The following KIF1B variants were observed in gnomAD, a reference collection of about 807,000 sequenced individuals.
KIF1B encodes the protein kinesin-like protein KIF1B.
Under a neutral mutation model 241.9 loss-of-function variants are expected in KIF1B, and 76 were observed. That is an observed-to-expected ratio of 0.31 (90% CI 0.26 to 0.38). KIF1B has a LOEUF of 0.38. KIF1B is among the 10% of genes least tolerant of loss of function. The pLI is 1.00. For synonymous variants in KIF1B, 750 were observed against 796.7 expected, an observed-to-expected ratio of 0.94 and a Z score of 0.99; for missense variants, 1,622 against 2,271.4, an observed-to-expected ratio of 0.71 and a Z score of 5.81.
Position 10,371,216 on chromosome 1 carries a change from A to T in KIF1B, c.4900A>T (p.Thr1634Ser), listed in dbSNP as rs1366322578. 6.2e-7 allele frequency: 1 copy of T among 1,613,860 alleles called. No individual in the cohort carries two copies. The highest frequency in any genetic ancestry group is 2.2e-5 in the East Asian group (1 of 44,868). Reference protein sequence around the residue: ...FSSATLTPSSTCPSLVDSRSN... With the variant: ...FSSATLTPSSSCPSLVDSRSN... The stretch of plus-strand genomic sequence containing the variant: ...CAGTGCCACCCTCACTCCCTCCTCC[A>T]CCTGTCCCTCTCTGGTAGACTCTAG... The change falls in exon 45 of 49, where the codon ACC (threonine) becomes TCC (serine). Residue 1634 changes from threonine (T) to serine (S), a missense_variant. By Grantham distance (58) the Thr-to-Ser change is moderately conservative (BLOSUM62 1). Coordinates refer to ENST00000676179, the MANE Select transcript of KIF1B (RefSeq NM_001365951.3).
intron 38 of KIF1B, among the ~76,000 whole-genome samples, chr1:10,353,452 C>G (rs934795092): frequency 3.9e-5 from 6 of 152,128 alleles, no homozygotes; most frequent in Non-Finnish European, 7.3e-5. Context: ...CTTACCTCAC[C>G]CAGGAAGGGA....
At chr1:10,279,224 G>C in intron 14 of KIF1B, 86 bp downstream of exon 14, 1 of 848,540 alleles carries the variant, frequency 1.2e-6, no homozygotes. Flanking sequence ...AGCTTTGCAT[G>C]CTGGCAATCC....
intron 19 of KIF1B, among the ~76,000 whole-genome samples, chr1:10,296,150 G>A (rs1449745247): frequency 1.3e-5 from 2 of 152,124 alleles, no homozygotes; most frequent in Non-Finnish European, 2.9e-5. Flanking sequence ...CTTGATTTTT[G>A]CCTGGGTTAT....
chr1:10,258,088 C>A (rs1445879866), intron 3 of KIF1B, among the ~76,000 whole-genome samples: 2 of 152,084 alleles, frequency 1.3e-5, no homozygotes, highest in African/African-American at 4.8e-5. Context: ...AGAAATAGTC[C>A]CAGTAGCTGG....
rs753609285 is a variant in KIF1B at position 10,378,104 on chromosome 1, A to G, written c.*1517A>G. On this transcript the variant is annotated 3_prime_UTR_variant, in exon 49 of 49. Coordinates refer to ENST00000676179, the MANE Select transcript of KIF1B (RefSeq NM_001365951.3). ...GAAGATGCTTTCAGTGATGCTCTCT[A>G]TACTCATAAATAAGCAAATGTGGCA... 14 of 569,950 alleles carry G rather than the reference A, an allele frequency of 2.5e-5. No individual in the cohort carries two copies. The highest frequency in any genetic ancestry group is 4.3e-5 in the South Asian group (2 of 46,744). The allele number at this position is 569,950 out of a possible 1,614,324, so 35.3% of individuals were successfully genotyped here.
chr1:10,262,808 A>T (rs1202548302), intron 5 of KIF1B, among the ~76,000 whole-genome samples: 1 of 152,136 alleles, frequency 6.6e-6, no homozygotes, highest in Non-Finnish European at 1.5e-5. Context: ...AATATTGTTA[A>T]TAATGGTTTT....
intron 10 of KIF1B, among the ~76,000 whole-genome samples, chr1:10,273,448 C>T (rs1051375149): frequency 2.6e-5 from 4 of 152,132 alleles, no homozygotes; most frequent in Admixed American, 2.6e-4. Context: ...CCCAACTATT[C>T]ACGGGTTTTA....
intron 5 of KIF1B, among the ~76,000 whole-genome samples, chr1:10,263,876 C>A (rs1299339331): frequency 6.6e-6 from 1 of 152,148 alleles, no homozygotes; most frequent in African/African-American, 2.4e-5. Context: ...CTTCTACTTC[C>A]TTCCCTGTTT....
intron 14 of KIF1B, among the ~76,000 whole-genome samples, chr1:10,281,721 C>G (rs921171675): frequency 6.6e-6 from 1 of 152,080 alleles, no homozygotes; most frequent in Non-Finnish European, 1.5e-5. Flanking sequence ...CTATAATTAC[C>G]CCTTTTTTAT....
At chr1:10,220,378 AGATAGATAGATAGATAGAT>A (rs1400533775) in intron 1 of KIF1B, among the ~76,000 whole-genome samples, 1 of 133,172 alleles carries the variant, frequency 7.5e-6, no homozygotes, top group Non-Finnish European at 1.6e-5. Context: ...TTCAATAGAT[AGATAGATAGATAGATAGAT>A]GATAGATAGA....
At chr1:10,284,094 C>T (rs776506153) in intron 15 of KIF1B, among the ~76,000 whole-genome samples, 8 of 152,170 alleles carry the variant, frequency 5.3e-5, no homozygotes, top group Non-Finnish European at 1.0e-4. Context: ...ACAGTGTGGG[C>T]CGGGCATGGT....
intron 6 of KIF1B, 40 bp downstream of exon 6, chr1:10,267,598 C>A (rs1451205904): frequency 6.3e-7 from 1 of 1,597,458 alleles, no homozygotes; most frequent in East Asian, 2.2e-5. Flanking sequence ...GTCTTTGGCA[C>A]CTTTTGAGGT....
chr1:10,273,985 G>C (rs888723089), intron 10 of KIF1B, among the ~76,000 whole-genome samples: 10 of 141,926 alleles, frequency 7.0e-5, no homozygotes, highest in Middle Eastern at 4.1e-3. Context: ...TGCCCAGGCT[G>C]GGGTACAGTG....
intron 22 of KIF1B, among the ~76,000 whole-genome samples, chr1:10,311,490 G>C (rs139151666): frequency 1.3e-5 from 2 of 151,114 alleles, no homozygotes; most frequent in African/African-American, 4.9e-5. Flanking sequence ...TGGGATTACG[G>C]GTGTGAGCCA....
chr1:10,255,601 G>T (rs1647728947), intron 2 of KIF1B, among the ~76,000 whole-genome samples: 1 of 151,994 alleles, frequency 6.6e-6, no homozygotes, highest in Non-Finnish European at 1.5e-5. Flanking sequence ...AAAAAGAAAA[G>T]AAATAGAAAT....
At chr1:10,351,966 T>C (rs2102334004) in intron 37 of KIF1B, among the ~76,000 whole-genome samples, 1 of 133,182 alleles carries the variant, frequency 7.5e-6, no homozygotes, top group Non-Finnish European at 1.6e-5. Context: ...GACCAAGACA[T>C]TGTTTCAAAA....
At position 10,337,445 on chromosome 1, in the gene KIF1B, A is replaced by G. The variant is rs35870526; in HGVS notation, c.3334A>G (p.Lys1112Glu). Residue 1112 changes from lysine to glutamate, a missense_variant, in exon 31 of 49, where the codon AAA (lysine) becomes GAA (glutamate). Physicochemically the swap from Lys to Glu is moderately conservative, Grantham distance 56. Transcript: ENST00000676179. The surrounding 1 kb of genome is among the most constrained non-coding windows in gnomAD (Gnocchi z 4.0). The part of the protein sequence containing the change: ...GFSEEIGNHL[K>E]LGSAFTFRVT... ...TTCTGAAGAGATTGGCAACCACCTG[A>G]AACTGGGCAGTGCCTTCACTTTCCG... The G allele has an allele frequency of 9.3e-6, 15 of 1,614,062 alleles. No homozygotes were observed. The Admixed American group carries it at 2.3e-4, about 25-fold the overall frequency.
intron 22 of KIF1B, chr1:10,307,208 ACT>A: frequency 9.7e-7 from 1 of 1,028,088 alleles, no homozygotes; most frequent in Non-Finnish European, 1.2e-6. Flanking sequence ...CTAGAGAATA[ACT>A]CTGTATGAAT....
chr1:10,325,853 C>T (rs1254371975), intron 26 of KIF1B, among the ~76,000 whole-genome samples: 1 of 152,152 alleles, frequency 6.6e-6, no homozygotes, highest in African/African-American at 2.4e-5. Context: ...ACAGTATTTA[C>T]CTAGGATGGT....
Sources: gnomAD v4.1 joint callset for allele counts (sites outside exome capture counted in the v4.1 genomes callset) on GRCh38, gnomAD v4.1.1 for gene constraint, Gnocchi (gnomAD v3.1) non-coding constraint, MANE v1.5 for transcripts, NCBI Gene and HGNC (gene_info 2026-07-23, HGNC 2026-07-21) for gene names.